Variants in CACNA2D3 observed in about 807,000 individuals in gnomAD.
The protein encoded by CACNA2D3 is voltage-dependent calcium channel subunit alpha-2/delta-3.
A neutral mutation model predicts 160.6 loss-of-function variants in CACNA2D3; 60 were observed. That is an observed-to-expected ratio of 0.37 (90% CI 0.30 to 0.46). The LOEUF (loss-of-function observed/expected upper bound fraction) is 0.46, where lower values mean the gene tolerates loss of function less well. CACNA2D3 is among the 20% of genes least tolerant of loss of function. The pLI is 1.00. For synonymous variants in CACNA2D3, 558 were observed against 492.9 expected, an observed-to-expected ratio of 1.13 and a Z score of -1.75; for missense variants, 1,205 against 1,365.0, an observed-to-expected ratio of 0.88 and a Z score of 1.85.
chr3:54,917,523 A>T (rs1213013103), intron 27 of CACNA2D3, among the ~76,000 whole-genome samples: 1 of 152,188 alleles, frequency 6.6e-6, no homozygotes, highest in Non-Finnish European at 1.5e-5. Context: ...GGGTAAACTG[A>T]TTGCTCAGAG....
At chr3:54,807,229 C>T (rs2106688247) in intron 13 of CACNA2D3, among the ~76,000 whole-genome samples, 1 of 152,292 alleles carries the variant, frequency 6.6e-6, no homozygotes, top group Non-Finnish European at 1.5e-5. Context: ...TGAAGAGCTT[C>T]TGCACAGCGA....
chr3:54,911,008 A>G (rs1181460693), intron 27 of CACNA2D3, among the ~76,000 whole-genome samples: 2 of 152,146 alleles, frequency 1.3e-5, no homozygotes, highest in Non-Finnish European at 2.9e-5. Context: ...GTAGCCATCA[A>G]CCCTTGGCCA....
chr3:54,324,234 CT>C (rs753298846), intron 3 of CACNA2D3, among the ~76,000 whole-genome samples: 74 of 152,192 alleles, frequency 4.9e-4, no homozygotes, highest in Non-Finnish European at 9.3e-4. Flanking sequence ...TCCTCCATCA[CT>C]TTTCCCAGTG....
At chr3:55,034,369 T>C (rs1178665935) in intron 35 of CACNA2D3, among the ~76,000 whole-genome samples, 3 of 151,920 alleles carry the variant, frequency 2.0e-5, no homozygotes, top group African/African-American at 7.2e-5. Context: ...ATTATGTCCT[T>C]ACTTCTCTTT....
At chr3:54,504,304 T>C (rs1040816219) in intron 5 of CACNA2D3, among the ~76,000 whole-genome samples, 1 of 152,154 alleles carries the variant, frequency 6.6e-6, no homozygotes, top group Non-Finnish European at 1.5e-5. Context: ...CCAATTCCAG[T>C]TGGAATTATA....
intron 14 of CACNA2D3, 79 bp from the exon 15 acceptor site, chr3:54,837,080 C>T (rs1360102776): frequency 5.7e-6 from 7 of 1,233,452 alleles, no homozygotes; most frequent in African/African-American, 1.5e-5. Flanking sequence ...TTGGAAAGGA[C>T]ATGATTGTCA....
chr3:54,689,292 C>T (rs982187478), intron 11 of CACNA2D3, among the ~76,000 whole-genome samples: 2 of 152,114 alleles, frequency 1.3e-5, no homozygotes, highest in African/African-American at 2.4e-5. Flanking sequence ...TCAGTTCTTC[C>T]AGCCTACATG....
chr3:54,473,119 C>T (rs912598064), intron 4 of CACNA2D3, among the ~76,000 whole-genome samples: 3 of 152,134 alleles, frequency 2.0e-5, no homozygotes, highest in African/African-American at 7.2e-5. Context: ...ATCATGCTAC[C>T]TTACTTCAAA....
chr3:54,376,954 TC>T (rs1428989443), intron 3 of CACNA2D3, among the ~76,000 whole-genome samples: 1 of 152,152 alleles, frequency 6.6e-6, no homozygotes, highest in African/African-American at 2.4e-5. Context: ...TATATAAAAA[TC>T]CATCTTGAGA....
chr3:54,594,054 A>G (rs139336524), intron 9 of CACNA2D3, among the ~76,000 whole-genome samples: 1 of 152,244 alleles, frequency 6.6e-6, no homozygotes, highest in African/African-American at 2.4e-5. Context: ...ATTAGCCAGT[A>G]TATGCCAATA....
chr3:54,252,281 G>A (rs959129283), intron 2 of CACNA2D3, among the ~76,000 whole-genome samples: 3 of 151,924 alleles, frequency 2.0e-5, no homozygotes, highest in Non-Finnish European at 4.4e-5. Flanking sequence ...TTTTATACCA[G>A]AAATTATTTA....
chr3:54,352,632 G>A (rs1210526395), intron 3 of CACNA2D3, among the ~76,000 whole-genome samples: 1 of 152,212 alleles, frequency 6.6e-6, no homozygotes, highest in Non-Finnish European at 1.5e-5. Flanking sequence ...TAGAGCCCAT[G>A]CTGGATGGCA....
intron 2 of CACNA2D3, among the ~76,000 whole-genome samples, chr3:54,148,199 C>G (rs1175937820): frequency 1.3e-5 from 2 of 152,210 alleles, no homozygotes; most frequent in African/African-American, 4.8e-5. Flanking sequence ...TTCTTGCTAC[C>G]CTTCCATATA....
intron 13 of CACNA2D3, among the ~76,000 whole-genome samples, chr3:54,808,926 G>T (rs1703207651): frequency 6.6e-6 from 1 of 152,120 alleles, no homozygotes; most frequent in Non-Finnish European, 1.5e-5. Flanking sequence ...GTACTCTGGA[G>T]GTTACGAAAT....
intron 2 of CACNA2D3, among the ~76,000 whole-genome samples, chr3:54,313,153 G>A (rs1231223383): frequency 6.6e-6 from 1 of 152,010 alleles, no homozygotes; most frequent in Non-Finnish European, 1.5e-5. Context: ...CCTGGATGAT[G>A]GACATCATCA....
rs910257509 is a variant in CACNA2D3, at chr3:54,982,218, C to T, written c.2557-2390C>T. The stretch of plus-strand genomic sequence containing the variant: ...AGTTAACATTCCATAGTGCCAAACC[C>T]GTTCTTAGCTGAGAGGGACTTTACT... On this transcript the variant is annotated intron_variant, in intron 29 of 37. Transcript: ENST00000474759. Among the ~76,000 whole-genome samples the T allele has an allele frequency of 3.3e-5, 5 of 152,144 alleles. No individual in the cohort carries two copies. In the South Asian group the frequency reaches 8.3e-4, roughly 25 times the overall value.
At chr3:54,616,384 C>A (rs2106796204) in intron 9 of CACNA2D3, among the ~76,000 whole-genome samples, 1 of 152,356 alleles carries the variant, frequency 6.6e-6, no homozygotes, top group South Asian at 2.1e-4. Context: ...GGGCTGCTTC[C>A]AGCAAAGCAG....
intron 2 of CACNA2D3, among the ~76,000 whole-genome samples, chr3:54,216,521 A>G (rs763419009): frequency 1.3e-5 from 2 of 152,224 alleles, no homozygotes; most frequent in Non-Finnish European, 2.9e-5. Flanking sequence ...TGTGAGCACC[A>G]AAGTGCGAGG....
At chr3:54,520,218 A>G (rs1256938980) in intron 5 of CACNA2D3, among the ~76,000 whole-genome samples, 1 of 152,210 alleles carries the variant, frequency 6.6e-6, no homozygotes, top group Non-Finnish European at 1.5e-5. Flanking sequence ...TTCTCACATT[A>G]TAACACTCTG....
Sources: allele counts gnomAD v4.1 joint callset (sites outside exome capture counted in the v4.1 genomes callset), GRCh38; gene constraint gnomAD v4.1.1; transcripts MANE v1.5; gene names NCBI Gene and HGNC (gene_info 2026-07-23, HGNC 2026-07-21).